TRDN: variants seen among roughly 807,000 people sequenced by gnomAD.
The protein encoded by TRDN is triadin.
A neutral mutation model predicts 149.7 loss-of-function variants in TRDN; 161 were observed. That is an observed-to-expected ratio of 1.08 (90% CI 0.95 to 1.23). The LOEUF (loss-of-function observed/expected upper bound fraction) is 1.23, where lower values mean the gene tolerates loss of function less well. Ranked by LOEUF, TRDN falls within the 50% of genes most tolerant of loss-of-function variation. The probability of loss-of-function intolerance (pLI) is 0.00; values close to 1 mark genes in which losing one functional copy is unlikely to be tolerated. For synonymous variants in TRDN, 294 were observed against 250.5 expected, an observed-to-expected ratio of 1.17 and a Z score of -1.64; for missense variants, 896 against 823.5, an observed-to-expected ratio of 1.09 and a Z score of -1.08.
intron 22 of TRDN, among the ~76,000 whole-genome samples, chr6:123,335,087 C>A (rs1451125038): frequency 1.3e-5 from 2 of 151,934 alleles, no homozygotes; most frequent in East Asian, 3.9e-4. Flanking sequence ...AATAACACTG[C>A]AGAGGCTTTT....
In TRDN at chr6:123,534,304, G is replaced by C. The variant is rs76629818; in HGVS notation, c.425-3739C>G. ...ACACCTACATTTATTTGCTCAGGAA[G>C]ACAAAAAATTATTTCTGATGATTCA... On this transcript the variant is annotated intron_variant, in intron 4 of 40. Transcript: ENST00000334268. Among the ~76,000 whole-genome samples the C allele has an allele frequency of 3.4e-3, 519 of 152,252 alleles. 24 individuals are homozygous for C. The East Asian group carries it at 0.089, about 26-fold the overall frequency.
intron 38 of TRDN, among the ~76,000 whole-genome samples, chr6:123,225,633 T>C (rs929837066): frequency 2.6e-5 from 4 of 151,730 alleles, no homozygotes; most frequent in Non-Finnish European, 5.9e-5. Context: ...TGTATATGTA[T>C]ATCAAAATAT....
At chr6:123,315,315 T>C (rs1778984012) in intron 24 of TRDN, among the ~76,000 whole-genome samples, 1 of 151,976 alleles carries the variant, frequency 6.6e-6, no homozygotes, top group East Asian at 1.9e-4. Context: ...ATCTCTATTA[T>C]GCTTTTTTTC....
rs573124280 is a variant in TRDN at position 123,353,236 on chromosome 6, T to C, written c.1322-650A>G. Among the ~76,000 whole-genome samples, 4 of 152,030 alleles carry C rather than the reference T, an allele frequency of 2.6e-5. No homozygotes were observed. The East Asian group carries it at 5.8e-4, about 22-fold the overall frequency. Reference sequence around the variant, plus strand: ...GATTCAAGAAAATCTTCAGAGTTCATTAGCAACCATTAAATGAAAGATTGA... The same window carrying C: ...GATTCAAGAAAATCTTCAGAGTTCACTAGCAACCATTAAATGAAAGATTGA... On this transcript the variant is annotated intron_variant, in intron 20 of 40. Coordinates refer to ENST00000334268, the MANE Select transcript of TRDN (RefSeq NM_006073.4).
At chr6:123,397,642 T>A (rs2114474342) in intron 12 of TRDN, among the ~76,000 whole-genome samples, 1 of 152,314 alleles carries the variant, frequency 6.6e-6, no homozygotes, top group East Asian at 1.9e-4. Context: ...TCTTTTTCTC[T>A]TTGATCACTG....
intron 21 of TRDN, among the ~76,000 whole-genome samples, chr6:123,342,422 A>G (rs1272573405): frequency 6.6e-6 from 1 of 151,842 alleles, no homozygotes; most frequent in Non-Finnish European, 1.5e-5. Flanking sequence ...AAGATGTCAA[A>G]GCTTCCATGT....
chr6:123,252,337 A>G, intron 38 of TRDN, 75 bp downstream of exon 38: 1 of 939,584 alleles, frequency 1.1e-6, no homozygotes, highest in Non-Finnish European at 1.6e-6. Context: ...AAAAATAAAA[A>G]TATTTTATGA....
At chr6:123,398,091 G>A (rs1835638) in intron 12 of TRDN, among the ~76,000 whole-genome samples, 78,770 of 152,074 alleles carry the variant, frequency 0.52, 21,081 homozygotes, top group East Asian at 0.8. Context: ...TGCAACCTCC[G>A]CCTCCGGAGT....
intron 1 of TRDN, among the ~76,000 whole-genome samples, chr6:123,622,942 G>A (rs1037927613): frequency 2.0e-5 from 3 of 152,082 alleles, no homozygotes; most frequent in Non-Finnish European, 4.4e-5. Flanking sequence ...TATTTAGCTT[G>A]TGTAAAACTC....
intron 2 of TRDN, among the ~76,000 whole-genome samples, chr6:123,554,898 A>T (rs895339953): frequency 2.6e-5 from 4 of 152,190 alleles, no homozygotes; most frequent in African/African-American, 9.6e-5. Flanking sequence ...GTCTGGCATT[A>T]TTTGTTAATA....
intron 1 of TRDN, among the ~76,000 whole-genome samples, chr6:123,599,611 G>A (rs1784188466): frequency 6.6e-6 from 1 of 150,768 alleles, no homozygotes; most frequent in Admixed American, 6.6e-5. Context: ...TTCTAAATAA[G>A]CATTATGTCC....
chr6:123,474,557 G>A (rs1183552005), intron 9 of TRDN, among the ~76,000 whole-genome samples: 3 of 152,108 alleles, frequency 2.0e-5, no homozygotes, highest in Admixed American at 6.6e-5. Context: ...ATTGAACTCA[G>A]CTCTGCACCA....
intron 21 of TRDN, among the ~76,000 whole-genome samples, chr6:123,343,700 C>T (rs1341464695): frequency 6.6e-6 from 1 of 151,802 alleles, no homozygotes; most frequent in East Asian, 1.9e-4. Context: ...ATGTAACTAA[C>T]CTGCACATTG....
intron 24 of TRDN, among the ~76,000 whole-genome samples, chr6:123,312,115 C>T (rs1465947115): frequency 1.3e-5 from 2 of 151,924 alleles, no homozygotes; most frequent in Non-Finnish European, 2.9e-5. Flanking sequence ...CTCAAGACTG[C>T]TTTAACTTAT....
At chr6:123,488,779 G>A (rs1426268527) in intron 9 of TRDN, 3 of 145,824 alleles carry the variant, frequency 2.1e-5, no homozygotes, top group East Asian at 2.0e-4. Context: ...CCCTATCTAT[G>A]TCTGGGAAAC....
chr6:123,362,502 C>T (rs1780942963), intron 20 of TRDN, among the ~76,000 whole-genome samples: 2 of 152,086 alleles, frequency 1.3e-5, no homozygotes, highest in African/African-American at 4.8e-5. Flanking sequence ...CATATACATA[C>T]TACAAATTTG....
chr6:123,503,642 C>T (rs184355717), intron 8 of TRDN, 77 bp downstream of exon 8: 1 of 1,585,194 alleles, frequency 6.3e-7, no homozygotes, highest in Non-Finnish European at 8.6e-7. Flanking sequence ...TCTTTTTCAA[C>T]TTTTAATTTC....
intron 12 of TRDN, among the ~76,000 whole-genome samples, chr6:123,397,313 T>G (rs1772773941): frequency 6.6e-6 from 1 of 152,132 alleles, no homozygotes; most frequent in Non-Finnish European, 1.5e-5. Context: ...CCACACAGAC[T>G]TTATCCTGGT....
chr6:123,595,496 T>C (rs1472960917), intron 1 of TRDN, among the ~76,000 whole-genome samples: 2 of 152,076 alleles, frequency 1.3e-5, no homozygotes, highest in East Asian at 1.9e-4. Context: ...ATTAAAAGCA[T>C]ACAAGTAAAG....
Sources: gnomAD v4.1 joint callset for allele counts (sites outside exome capture counted in the v4.1 genomes callset) on GRCh38, gnomAD v4.1.1 for gene constraint, MANE v1.5 for transcripts, NCBI Gene and HGNC (gene_info 2026-07-23, HGNC 2026-07-21) for gene names.